The following EFCAB6 variants were observed in gnomAD, a reference collection of about 807,000 sequenced individuals.
EFCAB6 encodes EF-hand calcium binding domain 6.
Under a neutral mutation model 169.8 loss-of-function variants are expected in EFCAB6, and 156 were observed. That is an observed-to-expected ratio of 0.92 (90% CI 0.81 to 1.05). EFCAB6 has a LOEUF of 1.05. Ranked by LOEUF, EFCAB6 falls within the 50% of genes least tolerant of loss-of-function variation. The pLI is 0.00. For missense variants in EFCAB6, 1,800 were observed against 1,829.1 expected (o/e 0.98, Z 0.29); for synonymous variants, 698 against 676.4 (o/e 1.03, Z -0.50).
At chr22:43,784,672 TATATACACACACACACACACAC>T (rs2062006475) in intron 2 of EFCAB6, among the ~76,000 whole-genome samples, 1 of 42,916 alleles carries the variant, frequency 2.3e-5, no homozygotes, top group East Asian at 1.0e-3. Flanking sequence ...TACATATACA[TATATACACACACACACACACAC>T]ACACACACAC....
At chr22:43,737,723 A>C (rs2060201332) in intron 6 of EFCAB6, among the ~76,000 whole-genome samples, 1 of 149,344 alleles carries the variant, frequency 6.7e-6, no homozygotes, top group African/African-American at 2.5e-5. Context: ...TCACTCACAC[A>C]TATATTCACA....
At chr22:43,632,299 T>C (rs865914024) in intron 18 of EFCAB6, 61 bp from the exon 19 acceptor site, 220 of 1,100,086 alleles carry the variant, frequency 2.0e-4, no homozygotes, top group South Asian at 1.8e-3. Context: ...TCCTTCTTTT[T>C]TTTTTTTTTT....
chr22:43,537,139 G>A lies in EFCAB6; in HGVS notation c.4048+238C>T. On this transcript the variant is annotated intron_variant, in intron 29 of 31. Transcript: ENST00000262726. The surrounding 1 kb of genome is among the most constrained non-coding windows in gnomAD (Gnocchi z 4.3). ...CTGTGATTTCTAAAGCTCAGAGTTA[G>A]TGCAGCGCTGACTTTACCATGCAGA... The A allele has an allele frequency of 2.2e-6, 1 of 444,866 alleles. No individual in the cohort carries two copies. The highest frequency in any genetic ancestry group is 4.0e-6 in the Non-Finnish European group (1 of 248,946). The allele number at this position is 444,866 out of a possible 1,614,324, so 27.6% of individuals were successfully genotyped here.
At chr22:43,550,419 C>T (rs916268324) in intron 27 of EFCAB6, among the ~76,000 whole-genome samples, 2 of 152,172 alleles carry the variant, frequency 1.3e-5, no homozygotes, top group Non-Finnish European at 2.9e-5. Flanking sequence ...TGCCTGTCAT[C>T]CCAACACTTT....
intron 13 of EFCAB6, among the ~76,000 whole-genome samples, chr22:43,674,862 G>A (rs115910460): frequency 3.0e-4 from 45 of 152,140 alleles, no homozygotes; most frequent in Middle Eastern, 6.8e-3. Flanking sequence ...AGAGTCGACC[G>A]CAGGTGCACA....
In EFCAB6 at chr22:43,572,749, C is replaced by T. The variant is rs941715237; in HGVS notation, c.3420+3548G>A. ...ATTTTTCTCCCAGCTGCTGCTGGAACCTGACATGTGACGGAGTCACTCACT... is the reference window on the plus strand; with the variant it reads ...ATTTTTCTCCCAGCTGCTGCTGGAATCTGACATGTGACGGAGTCACTCACT... On this transcript the variant is annotated intron_variant, in intron 26 of 31. Transcript: ENST00000262726. This position sits in a 1 kb window ranked among gnomAD's most constrained non-coding sequence, Gnocchi z 4.0. Among the ~76,000 whole-genome samples the T allele has an allele frequency of 1.3e-5, 2 of 152,240 alleles. No individual in the cohort carries two copies. The highest frequency in any genetic ancestry group is 2.4e-5 in the African/African-American group (1 of 41,462).
rs112773575 is a variant in EFCAB6, at chr22:43,776,367, G to C, written c.140-3264C>G. Among the ~76,000 whole-genome samples, 161 of 152,302 alleles carry C rather than the reference G, an allele frequency of 1.1e-3. 1 individual carries two copies. The highest frequency in any genetic ancestry group is 3.2e-3 in the African/African-American group (135 of 41,564). ...GCCCTGACGGTACTGCAGTGAATAA[G>C]ACAGGTACAGCTTACAATCTGGAGG... On this transcript the variant is annotated intron_variant, in intron 3 of 31. Transcript: ENST00000262726.
At chr22:43,731,619 C>T in intron 8 of EFCAB6, 80 bp downstream of exon 8, 8 of 776,236 alleles carry the variant, frequency 1.0e-5, no homozygotes, top group South Asian at 5.1e-5. Context: ...AAAGTATTTC[C>T]TCAGGAATGA....
chr22:43,718,210 C>T (rs190141830), intron 8 of EFCAB6, among the ~76,000 whole-genome samples: 31 of 152,160 alleles, frequency 2.0e-4, no homozygotes, highest in Middle Eastern at 6.8e-3. Flanking sequence ...TTTTTTGAAA[C>T]AAGCATGTAT....
Position 43,540,282 on chromosome 22 carries a change from T to C in EFCAB6, c.3724A>G (p.Ser1242Gly). Reference sequence around the variant, plus strand: ...ATTGGTGTGGCTGCTGTCTCGGAACTGAACCTGCTCAGGAAGTCCGGGTAT... The same window carrying C: ...ATTGGTGTGGCTGCTGTCTCGGAACCGAACCTGCTCAGGAAGTCCGGGTAT... ...LKYPDFLSRFSSETAATPMAT... is the reference protein window; with the variant it reads ...LKYPDFLSRFGSETAATPMAT... Residue 1242 changes from serine to glycine, a missense_variant, in exon 28 of 32, where the codon AGT becomes GGT. Physicochemically the swap from Ser to Gly is moderately conservative, Grantham distance 56 (BLOSUM62 0). Transcript: ENST00000262726. The C allele has an allele frequency of 4.3e-6, 7 of 1,614,222 alleles. No homozygotes were observed. Among genetic ancestry groups the C allele is most frequent in the Non-Finnish European group, 5.9e-6 (7 of 1,180,042 alleles).
At chr22:43,633,589 A>G (rs922755577) in intron 18 of EFCAB6, among the ~76,000 whole-genome samples, 1 of 152,054 alleles carries the variant, frequency 6.6e-6, no homozygotes, top group African/African-American at 2.4e-5. Flanking sequence ...CAAACAAAAA[A>G]CTTCCAGGTC....
rs143262040 is a variant in EFCAB6 at position 43,652,429 on chromosome 22, T to A, written c.1983+14675A>T. Among the ~76,000 whole-genome samples, 661 of 152,262 alleles carry A rather than the reference T, an allele frequency of 4.3e-3. 6 individuals carry two copies. Among genetic ancestry groups the A allele is most frequent in the Non-Finnish European group, 8.0e-3 (542 of 68,024 alleles). ...CAATTAAGCCTCTTTCTTTTGTAAATTTTTCAGTCTCAGGTATGTCTTCAT... is the reference window on the plus strand; with the variant it reads ...CAATTAAGCCTCTTTCTTTTGTAAAATTTTCAGTCTCAGGTATGTCTTCAT... On this transcript the variant is annotated intron_variant, in intron 17 of 31. Coordinates refer to ENST00000262726, the MANE Select transcript of EFCAB6 (RefSeq NM_022785.4).
At chr22:43,540,545 T>C in intron 27 of EFCAB6, 188 bp from the exon 28 acceptor site, 1 of 1,522,492 alleles carries the variant, frequency 6.6e-7, no homozygotes, top group Non-Finnish European at 8.8e-7. Flanking sequence ...AGGAAGACTC[T>C]GGAAAAGCAA....
At chr22:43,788,350 T>A (rs1359599586) in intron 2 of EFCAB6, among the ~76,000 whole-genome samples, 1 of 152,184 alleles carries the variant, frequency 6.6e-6, no homozygotes, top group Admixed American at 6.5e-5. Context: ...GGATTTAGTA[T>A]GCAGAATATA....
In EFCAB6 at chr22:43,755,691, C is replaced by G. The variant is rs1049720952; in HGVS notation, c.507+75G>C. The G allele has an allele frequency of 2.2e-6, 3 of 1,341,196 alleles. No individual in the cohort carries two copies. In the East Asian group the frequency reaches 7.5e-5, roughly 33 times the overall value. 83.1% of individuals were successfully genotyped at this position (1,341,196 alleles called of 1,614,324 possible). A position where few individuals can be genotyped will look rare whatever the true frequency, so the allele number is the denominator to read the frequency against. ...TGACAAGGTGTGGCTCATTTTCTAT[C>G]ATCTACCTCCACTAACAATTACTGC... is the stretch of plus-strand genomic sequence containing the variant. On this transcript the variant is annotated intron_variant, in intron 6 of 31. Coordinates refer to ENST00000262726, the MANE Select transcript of EFCAB6 (RefSeq NM_022785.4).
chr22:43,626,342 T>A, intron 20 of EFCAB6, 105 bp downstream of exon 20: 1 of 1,110,188 alleles, frequency 9.0e-7, no homozygotes. Flanking sequence ...AAAAAAATAA[T>A]CACTCCATTC....
chr22:43,535,085 C>T, intron 29 of EFCAB6: 1 of 564,718 alleles, frequency 1.8e-6, no homozygotes, highest in South Asian at 2.2e-5. Context: ...TCCCGCTGGC[C>T]CACACTGTCC....
chr22:43,726,448 C>G (rs1176481230), intron 8 of EFCAB6, among the ~76,000 whole-genome samples: 1 of 152,146 alleles, frequency 6.6e-6, no homozygotes. Flanking sequence ...TCTGGAGGCC[C>G]TGGGGAGCAA....
chr22:43,588,820 TA>T (rs1269515551), intron 24 of EFCAB6, among the ~76,000 whole-genome samples: 5 of 151,794 alleles, frequency 3.3e-5, no homozygotes, highest in Non-Finnish European at 7.4e-5. Flanking sequence ...ACAGAAGAAA[TA>T]GGATAATTTG....
Sources: allele counts gnomAD v4.1 joint callset (sites outside exome capture counted in the v4.1 genomes callset), GRCh38; gene constraint gnomAD v4.1.1; non-coding constraint Gnocchi (gnomAD v3.1); transcripts MANE v1.5; gene names NCBI Gene and HGNC (gene_info 2026-07-23, HGNC 2026-07-21).